Variants in FILIP1L observed in about 807,000 individuals in gnomAD.
FILIP1L encodes the protein filamin A interacting protein 1 like.
A neutral mutation model predicts 96.6 loss-of-function variants in FILIP1L; 55 were observed. That is an observed-to-expected ratio of 0.57 (90% CI 0.46 to 0.71). The LOEUF is 0.71. FILIP1L is among the 30% of genes least tolerant of loss of function. The pLI, the probability that FILIP1L is intolerant of heterozygous loss-of-function variation, is 0.00. For missense variants in FILIP1L, 1,304 were observed against 1,321.2 expected (o/e 0.99, Z 0.20); for synonymous variants, 467 against 473.9 (o/e 0.99, Z 0.19).
At chr3:100,063,605 G>A (rs571169464) in intron 1 of FILIP1L, among the ~76,000 whole-genome samples, 11 of 152,182 alleles carry the variant, frequency 7.2e-5, no homozygotes, top group African/African-American at 2.4e-4. Context: ...CCAGACTTTG[G>A]TAGTCTTTTA....
At chr3:99,846,715 T>C (rs1199440217) in intron 5 of FILIP1L, among the ~76,000 whole-genome samples, 1 of 152,170 alleles carries the variant, frequency 6.6e-6, no homozygotes, top group Non-Finnish European at 1.5e-5. Context: ...CGCTTTACTA[T>C]CATGAAATTG....
Position 99,849,891 on chromosome 3 carries a change from C to T in FILIP1L, c.1785G>A (p.Leu595=). ...TTAGGAAATCTTTCTCAATTGCTTCCAATGATTGAAGCCTATTTTTCAACA... is the reference window on the plus strand; with the variant it reads ...TTAGGAAATCTTTCTCAATTGCTTCTAATGATTGAAGCCTATTTTTCAACA... ...VNMLKNRLQS[L]EAIEKDFLKN... is the part of the protein sequence containing the mutation. Residue 595 remains leucine, a synonymous_variant, in exon 5 of 6, where the codon TTG becomes TTA. Transcript: ENST00000477258. The T allele has an allele frequency of 6.2e-7, 1 of 1,611,766 alleles. No homozygotes were observed. Among genetic ancestry groups the T allele is most frequent in the Non-Finnish European group, 8.5e-7 (1 of 1,179,534 alleles).
At chr3:100,025,680 G>A (rs1021535260) in intron 1 of FILIP1L, 8 of 152,098 alleles carry the variant, frequency 5.3e-5, no homozygotes, top group Non-Finnish European at 8.8e-5. Context: ...ATACCAGGTC[G>A]TCCACAGAGA....
chr3:99,895,188 T>C (rs1706208723), intron 4 of FILIP1L, among the ~76,000 whole-genome samples: 1 of 152,122 alleles, frequency 6.6e-6, no homozygotes, highest in African/African-American at 2.4e-5. Flanking sequence ...GCCAGGATGG[T>C]TAAACTTAAC....
At chr3:99,996,943 G>A (rs116812997) in intron 1 of FILIP1L, among the ~76,000 whole-genome samples, 120 of 152,070 alleles carry the variant, frequency 7.9e-4, no homozygotes, top group African/African-American at 2.6e-3. Context: ...AAATTTTTTC[G>A]AAACAAATGA....
chr3:100,054,620 G>C (rs1036210325), intron 1 of FILIP1L, among the ~76,000 whole-genome samples: 1 of 152,082 alleles, frequency 6.6e-6, no homozygotes, highest in South Asian at 2.1e-4. Context: ...GGAATACAAC[G>C]TGAATAATCT....
chr3:100,056,855 T>A (rs1358882932), intron 1 of FILIP1L, among the ~76,000 whole-genome samples: 1 of 151,950 alleles, frequency 6.6e-6, no homozygotes, highest in African/African-American at 2.4e-5. Context: ...ATACAAAAAA[T>A]TAGCCGGGTG....
intron 4 of FILIP1L, among the ~76,000 whole-genome samples, chr3:99,919,133 C>G: frequency 6.6e-6 from 1 of 151,870 alleles, no homozygotes; most frequent in Non-Finnish European, 1.5e-5. Flanking sequence ...GATTTAAGAC[C>G]AAAGAAACTG....
chr3:100,100,517 C>G (rs1311789114), intron 1 of FILIP1L, among the ~76,000 whole-genome samples: 1 of 152,166 alleles, frequency 6.6e-6, no homozygotes, highest in Non-Finnish European at 1.5e-5. Flanking sequence ...AAATCCAGTT[C>G]AGCCTGGCTG....
rs138828107 is a variant in FILIP1L at position 100,027,113 on chromosome 3, C to T, written c.-11+86940G>A. ...TTCTCAGTGAAACCTGCCTTGGACACGCTATCTAAACTTACACACATGAAT... is the reference window on the plus strand; with the variant it reads ...TTCTCAGTGAAACCTGCCTTGGACATGCTATCTAAACTTACACACATGAAT... On this transcript the variant is annotated intron_variant, in intron 1 of 5. Transcript: ENST00000477258. Among the ~76,000 whole-genome samples, 668 of 152,238 alleles carry T rather than the reference C, an allele frequency of 4.4e-3. 7 individuals are homozygous for T. The highest frequency in any genetic ancestry group is 0.016 in the African/African-American group (655 of 41,550).
intron 4 of FILIP1L, among the ~76,000 whole-genome samples, chr3:99,917,385 A>C (rs1706986603): frequency 6.6e-6 from 1 of 152,226 alleles, no homozygotes; most frequent in African/African-American, 2.4e-5. Flanking sequence ...AACACCAGGC[A>C]CATAGTTTGA....
At chr3:99,992,378 G>A (rs1709550301) in intron 1 of FILIP1L, among the ~76,000 whole-genome samples, 1 of 151,864 alleles carries the variant, frequency 6.6e-6, no homozygotes, top group South Asian at 2.1e-4. Flanking sequence ...TGATATAAGG[G>A]AGTATCTTAT....
intron 5 of FILIP1L, among the ~76,000 whole-genome samples, chr3:99,832,883 G>C (rs1177178297): frequency 2.4e-5 from 3 of 127,322 alleles, no homozygotes; most frequent in Non-Finnish European, 4.9e-5. Flanking sequence ...TTTCTTGTAT[G>C]ACTTATCCTT....
At chr3:99,897,085 A>C (rs1706279251) in intron 4 of FILIP1L, among the ~76,000 whole-genome samples, 1 of 152,158 alleles carries the variant, frequency 6.6e-6, no homozygotes, top group African/African-American at 2.4e-5. Context: ...TTGGCCAAGC[A>C]TGGTGGCTCA....
At chr3:99,983,436 ATATATGTATG>A (rs1709206660) in intron 1 of FILIP1L, among the ~76,000 whole-genome samples, 3 of 69,302 alleles carry the variant, frequency 4.3e-5, no homozygotes, top group Admixed American at 3.9e-4. Context: ...ATGTATGTAT[ATATATGTATG>A]TATATATATA....
intron 1 of FILIP1L, among the ~76,000 whole-genome samples, chr3:99,947,873 C>T (rs980929742): frequency 1.3e-5 from 2 of 151,868 alleles, no homozygotes; most frequent in Non-Finnish European, 2.9e-5. Flanking sequence ...AACAATAGGA[C>T]ATTTATTTGC....
At chr3:100,079,624 T>C (rs1396434524) in intron 1 of FILIP1L, among the ~76,000 whole-genome samples, 1 of 152,222 alleles carries the variant, frequency 6.6e-6, no homozygotes, top group African/African-American at 2.4e-5. Flanking sequence ...GGAATCAGAA[T>C]CCTCTTTCAA....
intron 1 of FILIP1L, among the ~76,000 whole-genome samples, chr3:100,007,598 A>C (rs1250128961): frequency 6.6e-6 from 1 of 152,208 alleles, no homozygotes; most frequent in East Asian, 1.9e-4. Context: ...AGGCACAGAG[A>C]GGCCCAGAAT....
intron 4 of FILIP1L, among the ~76,000 whole-genome samples, chr3:99,882,293 T>C (rs1000108258): frequency 6.6e-6 from 1 of 152,218 alleles, no homozygotes; most frequent in Non-Finnish European, 1.5e-5. Context: ...TTGCTTGATA[T>C]GAAGGTGGCT....
Sources: allele counts gnomAD v4.1 joint callset (sites outside exome capture counted in the v4.1 genomes callset), GRCh38; gene constraint gnomAD v4.1.1; transcripts MANE v1.5; gene names NCBI Gene and HGNC (gene_info 2026-07-23, HGNC 2026-07-21).